ZFP37: variants seen among roughly 807,000 people sequenced by gnomAD.
The protein encoded by ZFP37 is zinc finger protein 37 homolog.
A neutral mutation model predicts 52.1 loss-of-function variants in ZFP37; 38 were observed. The observed-to-expected ratio is 0.73, with a 90% CI of 0.56 to 0.96. ZFP37 has a LOEUF of 0.96. ZFP37 is among the 40% of genes least tolerant of loss of function. ZFP37 has a pLI of 0.00. For missense variants in ZFP37, 695 were observed against 741.4 expected (o/e 0.94, Z 0.73); for synonymous variants, 253 against 259.5 (o/e 0.98, Z 0.24).
In ZFP37 at chr9:113,040,298, A is replaced by T. The variant is rs1170606356; in HGVS notation, c.*2427T>A. ...AAATTCAACATAGCCATAACCTGCA[A>T]CTGTTTCATCCATCTAAAAAGTGCA... On this transcript the variant is annotated 3_prime_UTR_variant, in exon 4 of 4. Coordinates refer to ENST00000374227, the MANE Select transcript of ZFP37 (RefSeq NM_003408.3). The T allele has an allele frequency of 6.6e-6, 1 of 152,242 alleles. No individual in the cohort carries two copies. Among genetic ancestry groups the T allele is most frequent in the African/African-American group, 2.4e-5 (1 of 41,456 alleles). 9.4% of individuals were successfully genotyped at this position (152,242 alleles called of 1,614,324 possible).
At chr9:113,055,508 A>C (rs1829124463) in intron 1 of ZFP37, among the ~76,000 whole-genome samples, 1 of 152,224 alleles carries the variant, frequency 6.6e-6, no homozygotes, top group Non-Finnish European at 1.5e-5. Flanking sequence ...AGGACAAAGC[A>C]GGGACTGCAA....
intron 1 of ZFP37, among the ~76,000 whole-genome samples, chr9:113,056,116 C>T (rs1829138687): frequency 6.6e-6 from 1 of 151,986 alleles, no homozygotes. Flanking sequence ...AAGCCCCAAT[C>T]TCTGATGCTC....
In ZFP37 at chr9:113,043,018, G is replaced by A. The variant is rs1265311647; in HGVS notation, c.1600C>T (p.Gln534Ter). Residue 534 changes from glutamine (Q) to a stop codon, truncating the protein, a stop_gained, in exon 4 of 4, where the codon CAA becomes TAA. Coordinates refer to ENST00000374227, the MANE Select transcript of ZFP37 (RefSeq NM_003408.3). LOFTEE classifies it high-confidence loss of function. ...TCTCCAGTATGAACTCTCTGATGTT[G>A]AGTAAGGCCTTCAATTTGTTTAAAG... The part of the protein sequence containing the change: ...KGFKQIEGLT[Q>*]HQRVHTGEKP... 5.0e-6 allele frequency: 8 copies of A among 1,613,264 alleles called. No homozygotes were observed. Among genetic ancestry groups the A allele is most frequent in the Non-Finnish European group, 6.8e-6 (8 of 1,179,816 alleles).
At chr9:113,054,552 A>G (rs1829109381) in intron 1 of ZFP37, among the ~76,000 whole-genome samples, 1 of 152,172 alleles carries the variant, frequency 6.6e-6, no homozygotes, top group Non-Finnish European at 1.5e-5. Context: ...TAGATGTGCA[A>G]TGAGCATTTT....
Position 113,049,777 on chromosome 9 carries a change from G to C in ZFP37, c.214+14C>G. ...CAGTGGACACATTTTGAATTACAAAGGAATTGTTCTTACCCATTGAGGCTT... is the reference window on the plus strand; with the variant it reads ...CAGTGGACACATTTTGAATTACAAACGAATTGTTCTTACCCATTGAGGCTT... On this transcript the variant is annotated intron_variant, in intron 2 of 3. Coordinates refer to ENST00000374227, the MANE Select transcript of ZFP37 (RefSeq NM_003408.3). 1 of 1,611,094 alleles carries C rather than the reference G, an allele frequency of 6.2e-7. No homozygotes were observed. The highest frequency in any genetic ancestry group is 8.5e-7 in the Non-Finnish European group (1 of 1,178,762).
intron 3 of ZFP37, among the ~76,000 whole-genome samples, chr9:113,045,264 C>G (rs1313045157): frequency 1.3e-5 from 2 of 152,100 alleles, no homozygotes; most frequent in African/African-American, 4.8e-5. Context: ...CATATCTTTT[C>G]CTTTCTATTG....
chr9:113,047,519 G>A (rs1828979341), intron 3 of ZFP37, among the ~76,000 whole-genome samples: 1 of 152,118 alleles, frequency 6.6e-6, no homozygotes. Context: ...GGAAGCTGAG[G>A]AGGGAGAACT....
rs1828911213 is a variant in ZFP37, at chr9:113,044,147, C to T, written c.471G>A (p.Leu157=). The change falls in exon 4 of 4, where the codon CTG becomes CTA. Residue 157 remains leucine, a synonymous_variant. Transcript: ENST00000374227. ...AKKNGSDCGS[L]GKKNNLHKKH... ...TTTTATGCAAATTATTTTTTTTCCCCAGTGAACCACAGTCACTGCCATTCT... is the reference window on the plus strand; with the variant it reads ...TTTTATGCAAATTATTTTTTTTCCCTAGTGAACCACAGTCACTGCCATTCT... The T allele has an allele frequency of 2.5e-6, 4 of 1,612,354 alleles. No homozygotes were observed. The highest frequency in any genetic ancestry group is 1.3e-5 in the African/African-American group (1 of 74,892).
chr9:113,039,447 T>C lies in ZFP37; in HGVS notation c.*3278A>G, dbSNP rs1828812800. On this transcript the variant is annotated 3_prime_UTR_variant, in exon 4 of 4. Transcript: ENST00000374227. ...GGAATGCTCTTCCGTCATATATATA[T>C]ACATGGTTTGCTCTTTTACCCTCTC... 6.6e-6 allele frequency: 1 copy of C among 152,170 alleles called. No homozygotes were observed. The highest frequency in any genetic ancestry group is 2.4e-5 in the African/African-American group (1 of 41,438). 9.4% of individuals were successfully genotyped at this position (152,170 alleles called of 1,614,324 possible).
chr9:113,046,254 A>ATC (rs1828951855), intron 3 of ZFP37, among the ~76,000 whole-genome samples: 1 of 108,630 alleles, frequency 9.2e-6, no homozygotes, highest in Non-Finnish European at 2.0e-5. Flanking sequence ...ACAGATAAAT[A>ATC]TCTATATATA....
In ZFP37 at chr9:113,044,215, G is replaced by T. The variant is rs767880350; in HGVS notation, c.403C>A (p.Leu135Ile). ...TTCTTGACTGCAACTTCCCTGAGGA[G>T]TTTGTTTTGAGATTTCTGGATATTT... ...LENIQKSQNK[L>I]LREVAVKKKT... The change falls in exon 4 of 4, where the codon CTC (leucine) becomes ATC (isoleucine). Residue 135 changes from leucine to isoleucine, a missense_variant. Leu to Ile is a conservative substitution (Grantham distance 5, BLOSUM62 2). Coordinates refer to ENST00000374227, the MANE Select transcript of ZFP37 (RefSeq NM_003408.3). The T allele has an allele frequency of 6.3e-7, 1 of 1,581,764 alleles. No homozygotes were observed. The highest frequency in any genetic ancestry group is 2.2e-5 in the East Asian group (1 of 44,632).
In ZFP37 at chr9:113,039,357, T is replaced by C. The variant is rs1828811385; in HGVS notation, c.*3368A>G. 6.6e-6 allele frequency: 1 copy of C among 152,140 alleles called. No individual in the cohort carries two copies. Among genetic ancestry groups the C allele is most frequent in the African/African-American group, 2.4e-5 (1 of 41,430 alleles). 9.4% of individuals were successfully genotyped at this position (152,140 alleles called of 1,614,324 possible). A position where few individuals can be genotyped will look rare whatever the true frequency, so the allele number is the denominator to read the frequency against. On this transcript the variant is annotated 3_prime_UTR_variant, in exon 4 of 4. Transcript: ENST00000374227. ...AATGTTTCCACTTTTTTTCCTCTTC[T>C]TTATGTCAGAGGAGTTTAACATCTT...
rs367629305 is a variant in ZFP37 at position 113,043,740 on chromosome 9, T to A, written c.878A>T (p.Tyr293Phe). The A allele has an allele frequency of 3.7e-6, 6 of 1,613,924 alleles. No individual in the cohort carries two copies. Among genetic ancestry groups the A allele is most frequent in the Non-Finnish European group, 5.1e-6 (6 of 1,179,966 alleles). The change falls in exon 4 of 4, where the codon TAT (tyrosine) becomes TTT (phenylalanine). Residue 293 changes from tyrosine (Y) to phenylalanine (F), a missense_variant. Coordinates refer to ENST00000374227, the MANE Select transcript of ZFP37 (RefSeq NM_003408.3). ...HEKPQACVKP[Y>F]ECNQCGKVLS... ...AACCTTTCCACATTGATTACATTCA[T>A]AGGGTTTCACACAAGCTTGAGGTTT... is the stretch of plus-strand genomic sequence containing the variant.
At position 113,056,207 on chromosome 9, in the gene ZFP37, C is replaced by T. The variant is rs141087769; in HGVS notation, c.132+350G>A. ...ACCCAGGCTCTAACCACCACAGGCA[C>T]CCATAATCGCTGGCTCCCATAGACA... On this transcript the variant is annotated intron_variant, in intron 1 of 3. Transcript: ENST00000374227. 4.6e-5 allele frequency among the ~76,000 whole-genome samples: 7 copies of T among 152,244 alleles called. No homozygotes were observed. In the East Asian group the frequency reaches 1.4e-3, roughly 29 times the overall value.
In ZFP37 at chr9:113,040,920, G is replaced by A. The variant is rs1237517571; in HGVS notation, c.*1805C>T. ...TCTCTGCTTTTAGTGTAACAACTTA[G>A]ATTTCAAAATAGTTCAGAAGTTTTG... is the stretch of plus-strand genomic sequence containing the variant. On this transcript the variant is annotated 3_prime_UTR_variant, in exon 4 of 4. Transcript: ENST00000374227. 3 of 152,064 alleles carry A rather than the reference G, an allele frequency of 2.0e-5. No individual in the cohort carries two copies. Among genetic ancestry groups the A allele is most frequent in the African/African-American group, 7.2e-5 (3 of 41,438 alleles). The allele number at this position is 152,064 out of a possible 1,614,324, so 9.4% of individuals were successfully genotyped here. A position where few individuals can be genotyped will look rare whatever the true frequency, so the allele number is the denominator to read the frequency against.
rs748320314 is a variant in ZFP37 at position 113,056,715 on chromosome 9, C to T, written c.-27G>A. On this transcript the variant is annotated 5_prime_UTR_variant, in exon 1 of 4. Coordinates refer to ENST00000374227, the MANE Select transcript of ZFP37 (RefSeq NM_003408.3). ...GCGGCTACCCGGAGGGCGGCCTTAG[C>T]GGGTCCGGCAGCCGCGATGGCGGCG... 22 of 1,604,266 alleles carry T rather than the reference C, an allele frequency of 1.4e-5. No individual in the cohort carries two copies. In the South Asian group the frequency reaches 2.2e-4, roughly 16 times the overall value.
chr9:113,043,443 A>C lies in ZFP37; in HGVS notation c.1175T>G (p.Leu392Arg). ...TGTGTGAGATCTCACATGTTGAATA[A>C]GGTTTGAGCTGTGTCTGAAGGTTTT... is the stretch of plus-strand genomic sequence containing the variant. ...CGKTFRHSSN[L>R]IQHVRSHTGE... is the part of the protein sequence containing the mutation. The change falls in exon 4 of 4, where the codon CTT becomes CGT. Residue 392 changes from leucine to arginine, a missense_variant. Leu to Arg is a moderately radical substitution (Grantham distance 102). Coordinates refer to ENST00000374227, the MANE Select transcript of ZFP37 (RefSeq NM_003408.3). The C allele has an allele frequency of 6.2e-7, 1 of 1,614,060 alleles. No homozygotes were observed. The highest frequency in any genetic ancestry group is 8.5e-7 in the Non-Finnish European group (1 of 1,179,948).
chr9:113,042,811 A>C lies in ZFP37; in HGVS notation c.1807T>G (p.Cys603Gly). ...TTGAAAGTTTTCCCACATTCATTACATTCATAGGGTTTTTCTCCAGTGTGG... is the reference window on the plus strand; with the variant it reads ...TTGAAAGTTTTCCCACATTCATTACCTTCATAGGGTTTTTCTCCAGTGTGG... ...RSHTGEKPYE[C>G]NECGKTFKQN... is the part of the protein sequence containing the mutation. The change falls in exon 4 of 4, where the codon TGT becomes GGT. Residue 603 changes from cysteine to glycine, a missense_variant. By Grantham distance (159) the Cys-to-Gly change is radical. Transcript: ENST00000374227. The C allele has an allele frequency of 6.2e-7, 1 of 1,612,808 alleles. No individual in the cohort carries two copies. The highest frequency in any genetic ancestry group is 8.5e-7 in the Non-Finnish European group (1 of 1,179,546).
intron 1 of ZFP37, among the ~76,000 whole-genome samples, chr9:113,053,025 T>G (rs1829084953): frequency 6.6e-6 from 1 of 152,202 alleles, no homozygotes; most frequent in Non-Finnish European, 1.5e-5. Context: ...TCAACACCCT[T>G]GCCTCTCTTT....
Sources: allele counts gnomAD v4.1 joint callset (sites outside exome capture counted in the v4.1 genomes callset), GRCh38; gene constraint gnomAD v4.1.1; transcripts MANE v1.5; gene names NCBI Gene and HGNC (gene_info 2026-07-23, HGNC 2026-07-21).